The following ETS1 variants were observed in gnomAD, a reference collection of about 807,000 sequenced individuals.
ETS1 encodes the protein protein C-ets-1.
Under a neutral mutation model 58.6 loss-of-function variants are expected in ETS1, and 15 were observed. That is an observed-to-expected ratio of 0.26 (90% confidence interval 0.17 to 0.39). The LOEUF (loss-of-function observed/expected upper bound fraction) is 0.39, where lower values mean the gene tolerates loss of function less well. ETS1 is among the 10% of genes least tolerant of loss of function. The probability of loss-of-function intolerance (pLI) is 1.00; values close to 1 mark genes in which losing one functional copy is unlikely to be tolerated. For missense variants in ETS1, 417 were observed against 610.5 expected, an observed-to-expected ratio of 0.68 and a Z score of 3.34; for synonymous variants, 214 against 218.2, an observed-to-expected ratio of 0.98 and a Z score of 0.17.
At chr11:128,540,320 C>A (rs1291341861) in intron 3 of ETS1, among the ~76,000 whole-genome samples, 1,293 of 83,258 alleles carry the variant, frequency 0.016, no homozygotes, top group African/African-American at 0.018. Flanking sequence ...AATTCCATCT[C>A]AAAAAAAAAA....
chr11:128,568,001 G>A (rs1864540223), intron 2 of ETS1, among the ~76,000 whole-genome samples: 1 of 152,170 alleles, frequency 6.6e-6, no homozygotes. Flanking sequence ...TAAGCCCAGA[G>A]TCTTATCATA....
At chr11:128,564,915 GTTTTTTGTTT>G (rs1250063651) in intron 2 of ETS1, among the ~76,000 whole-genome samples, 2 of 151,544 alleles carry the variant, frequency 1.3e-5, no homozygotes, top group Middle Eastern at 3.4e-3. Flanking sequence ...TGGAGTTTGG[GTTTTTTGTTT>G]TTTTTTGTTT....
chr11:128,544,413 C>T (rs754917107), intron 3 of ETS1, among the ~76,000 whole-genome samples: 4 of 145,656 alleles, frequency 2.7e-5, no homozygotes, highest in Admixed American at 7.0e-5. Context: ...CTGAGAGATG[C>T]AGGCAGCCCT....
intron 3 of ETS1, among the ~76,000 whole-genome samples, chr11:128,508,342 TTA>T (rs1318507256): frequency 6.6e-6 from 1 of 152,228 alleles, no homozygotes; most frequent in Non-Finnish European, 1.5e-5. Flanking sequence ...TGAAAGCTCT[TTA>T]TTATTACCTC....
intron 3 of ETS1, among the ~76,000 whole-genome samples, chr11:128,508,029 G>A (rs1284256521): frequency 6.6e-6 from 1 of 152,178 alleles, no homozygotes; most frequent in Non-Finnish European, 1.5e-5. Context: ...CTTTAGAGTT[G>A]GAATCATAAC....
chr11:128,570,226 CTTTT>C (rs374775741), intron 2 of ETS1, among the ~76,000 whole-genome samples: 3 of 145,236 alleles, frequency 2.1e-5, no homozygotes, highest in African/African-American at 7.5e-5. Flanking sequence ...TTCTTTCTTT[CTTTT>C]TCTTTTCCTT....
chr11:128,569,752 G>T (rs190729282), intron 2 of ETS1, among the ~76,000 whole-genome samples: 26 of 152,190 alleles, frequency 1.7e-4, no homozygotes, highest in Admixed American at 2.0e-4. Context: ...AAATTAAAGG[G>T]CTTCTTTGCT....
chr11:128,484,983 G>A lies in ETS1; in HGVS notation c.702C>T (p.Pro234=), dbSNP rs1299724488. 1 of 1,613,944 alleles carries A rather than the reference G, an allele frequency of 6.2e-7. No homozygotes were observed. Among genetic ancestry groups the A allele is most frequent in the Non-Finnish European group, 8.5e-7 (1 of 1,179,952 alleles). ...FITESYQTLH[P]ISSEELLSLK... ...GGGAGAGGAGCTCTTCCGAGCTGAT[G>A]GGATGGAGCGTCTGATAGGACTCTG... is the stretch of plus-strand genomic sequence containing the variant. Residue 234 remains proline (P), a synonymous_variant, in exon 7 of 10, where the codon CCC becomes CCT. Coordinates refer to ENST00000392668, the MANE Select transcript of ETS1 (RefSeq NM_001143820.2).
intron 3 of ETS1, chr11:128,522,111 C>A: frequency 1.0e-5 from 13 of 1,298,554 alleles, no homozygotes; most frequent in East Asian, 6.4e-5. Flanking sequence ...ACTTTCTTCC[C>A]AAAAATCTCA....
intron 3 of ETS1, among the ~76,000 whole-genome samples, chr11:128,500,045 G>A (rs1481505371): frequency 2.6e-5 from 4 of 152,200 alleles, no homozygotes; most frequent in African/African-American, 9.6e-5. Context: ...GAGGGCTTCA[G>A]TTGTTCAAAG....
At chr11:128,556,469 GA>G in intron 2 of ETS1, 34 bp from the exon 3 acceptor site, 1 of 1,482,658 alleles carries the variant, frequency 6.7e-7, no homozygotes, top group Non-Finnish European at 9.1e-7. Context: ...AATATATTAG[GA>G]GGAAAATCTC....
At chr11:128,563,942 C>T (rs756982764) in intron 2 of ETS1, among the ~76,000 whole-genome samples, 2 of 152,160 alleles carry the variant, frequency 1.3e-5, no homozygotes, top group East Asian at 1.9e-4. Context: ...TGCCCTTGTG[C>T]GACTCCATGC....
At chr11:128,499,288 G>T (rs535614166) in intron 3 of ETS1, among the ~76,000 whole-genome samples, 1 of 152,110 alleles carries the variant, frequency 6.6e-6, no homozygotes, top group African/African-American at 2.4e-5. Flanking sequence ...AGATGCTGAT[G>T]AATTGGGCTA....
In ETS1 at chr11:128,556,893, T is replaced by A. The variant is rs569784955; in HGVS notation, c.70-458A>T. On this transcript the variant is annotated intron_variant, in intron 2 of 9. Coordinates refer to ENST00000392668, the MANE Select transcript of ETS1 (RefSeq NM_001143820.2). ...AAAAAATGGACCTATGTAATAAAATTCACCTCATTTTTTGGTTAATCAGTG... is the reference window on the plus strand; with the variant it reads ...AAAAAATGGACCTATGTAATAAAATACACCTCATTTTTTGGTTAATCAGTG... 1.4e-4 allele frequency among the ~76,000 whole-genome samples: 22 copies of A among 152,312 alleles called. No homozygotes were observed. The East Asian group carries it at 2.9e-3, about 20-fold the overall frequency.
At chr11:128,547,330 G>C (rs1234643827) in intron 3 of ETS1, among the ~76,000 whole-genome samples, 1 of 152,196 alleles carries the variant, frequency 6.6e-6, no homozygotes, top group African/African-American at 2.4e-5. Flanking sequence ...TCAGAGGAAA[G>C]CTACAGATCC....
At position 128,463,261 on chromosome 11, in the gene ETS1, T is replaced by TA. The variant is rs1861950502; in HGVS notation, c.1242+247dup. Among the ~76,000 whole-genome samples, 1 of 152,208 alleles carries TA rather than the reference T, an allele frequency of 6.6e-6. No individual in the cohort carries two copies. The highest frequency in any genetic ancestry group is 1.5e-5 in the Non-Finnish European group (1 of 68,036). ...GCAGCTCTATGGGTGATAACTGACCTACTGCCAGGCACGTTAATGCCTTCT... is the reference window on the plus strand; with the variant it reads ...GCAGCTCTATGGGTGATAACTGACCTAACTGCCAGGCACGTTAATGCCTTCT... On this transcript the variant is annotated intron_variant, in intron 9 of 9. Transcript: ENST00000392668. This position sits in a 1 kb window ranked among gnomAD's most constrained non-coding sequence, Gnocchi z 4.1.
chr11:128,466,637 C>A (rs914285959), intron 8 of ETS1, among the ~76,000 whole-genome samples: 3 of 152,106 alleles, frequency 2.0e-5, no homozygotes, highest in Non-Finnish European at 4.4e-5. Context: ...CCCGGTGAGT[C>A]TGGGACAGGG....
At chr11:128,524,157 T>A (rs1248338318) in intron 3 of ETS1, among the ~76,000 whole-genome samples, 1 of 152,220 alleles carries the variant, frequency 6.6e-6, no homozygotes, top group Non-Finnish European at 1.5e-5. Flanking sequence ...CAGACTAGCC[T>A]AAACACTGCT....
At chr11:128,488,661 G>T (rs1429518085) in intron 5 of ETS1, among the ~76,000 whole-genome samples, 1 of 152,200 alleles carries the variant, frequency 6.6e-6, no homozygotes, top group African/African-American at 2.4e-5. Context: ...ACTCAGCCAG[G>T]ACTGTGGTAC....
Sources: gnomAD v4.1 joint callset for allele counts (sites outside exome capture counted in the v4.1 genomes callset) on GRCh38, gnomAD v4.1.1 for gene constraint, Gnocchi (gnomAD v3.1) non-coding constraint, MANE v1.5 for transcripts, NCBI Gene and HGNC (gene_info 2026-07-23, HGNC 2026-07-21) for gene names.